Variants in BBS9 observed in about 807,000 individuals in gnomAD.
The protein encoded by BBS9 is Bardet-Biedl syndrome 9, also known as protein PTHB1.
Under a neutral mutation model 117.7 loss-of-function variants are expected in BBS9, and 89 were observed. That is an observed-to-expected ratio of 0.76 (90% CI 0.64 to 0.90). BBS9 has a LOEUF of 0.90. Among genes scored for constraint, BBS9 ranks in the 40% least tolerant of loss-of-function variants. BBS9 has a pLI of 0.00. For synonymous variants in BBS9, 379 were observed against 370.9 expected, an observed-to-expected ratio of 1.02 and a Z score of -0.25; for missense variants, 982 against 1,042.2, an observed-to-expected ratio of 0.94 and a Z score of 0.80.
intron 9 of BBS9, among the ~76,000 whole-genome samples, chr7:33,281,520 T>G (rs889268834): frequency 5.3e-5 from 8 of 151,802 alleles, no homozygotes; most frequent in Middle Eastern, 3.4e-3. Flanking sequence ...ACTGCAGGCA[T>G]GTGTCACCAC....
In BBS9 at chr7:33,536,389, C is replaced by G. The variant is rs139336063; in HGVS notation, c.2521+2213C>G. On this transcript the variant is annotated intron_variant, in intron 21 of 22. Transcript: ENST00000242067. ...TGTCATTAACATGCTTAATTATTGCCTATACTACTTTTCTTCCCTATAACT... is the reference window on the plus strand; with the variant it reads ...TGTCATTAACATGCTTAATTATTGCGTATACTACTTTTCTTCCCTATAACT... Among the ~76,000 whole-genome samples, 340 of 152,300 alleles carry G rather than the reference C, an allele frequency of 2.2e-3. 1 individual carries two copies. The highest frequency in any genetic ancestry group is 7.7e-3 in the African/African-American group (322 of 41,556).
intron 5 of BBS9, among the ~76,000 whole-genome samples, chr7:33,197,967 T>C (rs1427138222): frequency 1.3e-5 from 2 of 152,020 alleles, no homozygotes; most frequent in East Asian, 1.9e-4. Flanking sequence ...GTATTTCATA[T>C]TGTACATAAT....
rs1836171047 is a variant in BBS9 at position 33,441,475 on chromosome 7, C to CATAA, written c.2115+53332_2115+53333insTAAA. Among the ~76,000 whole-genome samples, 5 of 152,240 alleles carry CATAA rather than the reference C, an allele frequency of 3.3e-5. No homozygotes were observed. In the South Asian group the frequency reaches 6.2e-4, roughly 19 times the overall value. The stretch of plus-strand genomic sequence containing the variant: ...TCATCTATTCATAAAATGAAAATCA[C>CATAA]AATAATACCTTGTGGAAACTTAATT... On this transcript the variant is annotated intron_variant, in intron 19 of 22. Transcript: ENST00000242067.
chr7:33,622,850 A>G (rs948422393), intron 21 of BBS9, among the ~76,000 whole-genome samples: 2 of 152,230 alleles, frequency 1.3e-5, no homozygotes, highest in African/African-American at 4.8e-5. Context: ...GTGTTGCTGA[A>G]GCAATTGGAT....
At chr7:33,212,340 T>C (rs10232036) in intron 5 of BBS9, among the ~76,000 whole-genome samples, 26,295 of 152,144 alleles carry the variant, frequency 0.17, 2,811 homozygotes, top group East Asian at 0.44. Context: ...TCAATTCTAC[T>C]ATTAAGAGAC....
At chr7:33,131,223 A>G (rs1427349821) in intron 1 of BBS9, among the ~76,000 whole-genome samples, 1 of 152,116 alleles carries the variant, frequency 6.6e-6, no homozygotes, top group Non-Finnish European at 1.5e-5. Flanking sequence ...TGTCTCTCCT[A>G]CTAGCACTGT....
intron 2 of BBS9, among the ~76,000 whole-genome samples, chr7:33,147,303 T>C (rs1792571033): frequency 6.6e-6 from 1 of 152,180 alleles, no homozygotes; most frequent in Admixed American, 6.5e-5. Context: ...AGAAAACTTA[T>C]TATAACTATT....
At chr7:33,438,038 G>A (rs1011673987) in intron 19 of BBS9, among the ~76,000 whole-genome samples, 5 of 152,146 alleles carry the variant, frequency 3.3e-5, no homozygotes, top group Admixed American at 6.5e-5. Flanking sequence ...TCAACAAAAT[G>A]CAGAAAAGCA....
intron 19 of BBS9, among the ~76,000 whole-genome samples, chr7:33,505,167 A>G (rs919237972): frequency 6.6e-6 from 1 of 152,238 alleles, no homozygotes; most frequent in Admixed American, 6.5e-5. Context: ...ATTACCATAT[A>G]TTGAAGAAAG....
At chr7:33,204,942 A>G (rs556454805) in intron 5 of BBS9, among the ~76,000 whole-genome samples, 4 of 152,234 alleles carry the variant, frequency 2.6e-5, no homozygotes, top group African/African-American at 9.6e-5. Context: ...CTTTACTTTT[A>G]TACCCAAAAG....
intron 19 of BBS9, among the ~76,000 whole-genome samples, chr7:33,439,530 C>A (rs1401245221): frequency 2.1e-5 from 2 of 95,886 alleles, no homozygotes; most frequent in African/African-American, 9.5e-5. Context: ...TCTTTTTTAT[C>A]ACCTTTTTTT....
intron 19 of BBS9, among the ~76,000 whole-genome samples, chr7:33,442,850 T>G (rs1163380220): frequency 6.6e-6 from 1 of 152,176 alleles, no homozygotes; most frequent in Non-Finnish European, 1.5e-5. Context: ...TTACCTGCAT[T>G]GGTCCTTGTC....
At chr7:33,313,036 GGTGTGTGT>G (rs5883397) in intron 9 of BBS9, among the ~76,000 whole-genome samples, 1,759 of 148,032 alleles carry the variant, frequency 0.012, 44 homozygotes, top group African/African-American at 0.042. Flanking sequence ...TGTACTCTGT[GGTGTGTGT>G]GTGTGTGTGT....
intron 4 of BBS9, 69 bp from the exon 5 acceptor site, chr7:33,177,409 T>A (rs1797479942): frequency 9.8e-7 from 1 of 1,020,220 alleles, no homozygotes. Context: ...ATCGGAGTAG[T>A]GGATGAGAAC....
chr7:33,530,146 C>A (rs1318457534), intron 20 of BBS9, among the ~76,000 whole-genome samples: 1 of 152,018 alleles, frequency 6.6e-6, no homozygotes, highest in African/African-American at 2.4e-5. Context: ...CTTTTTTTGT[C>A]TCAGAGATAT....
At chr7:33,363,736 C>T (rs1340251027) in intron 16 of BBS9, among the ~76,000 whole-genome samples, 2 of 149,908 alleles carry the variant, frequency 1.3e-5, no homozygotes, top group African/African-American at 4.9e-5. Context: ...ATTCCTAGGT[C>T]GCTGAGACTG....
chr7:33,354,221 C>T lies in BBS9; in HGVS notation c.1552+1348C>T, dbSNP rs115459713. Among the ~76,000 whole-genome samples the T allele has an allele frequency of 9.0e-3, 1,364 of 152,012 alleles. 22 individuals carry two copies. Among genetic ancestry groups the T allele is most frequent in the African/African-American group, 0.031 (1,304 of 41,468 alleles). Reference sequence around the variant, plus strand: ...AGTGGAGTTGAAATATTCAGCGGCACCTAGTAGGCAAGAAAATAATATGTT... The same window carrying T: ...AGTGGAGTTGAAATATTCAGCGGCATCTAGTAGGCAAGAAAATAATATGTT... On this transcript the variant is annotated intron_variant, in intron 15 of 22. Transcript: ENST00000242067.
At chr7:33,248,736 AT>A (rs946785228) in intron 5 of BBS9, among the ~76,000 whole-genome samples, 6 of 152,126 alleles carry the variant, frequency 3.9e-5, no homozygotes, top group South Asian at 2.1e-4. Context: ...ACAATAACAA[AT>A]TTTTTTTCCG....
chr7:33,254,738 C>T (rs569509782), intron 5 of BBS9, among the ~76,000 whole-genome samples: 4 of 152,278 alleles, frequency 2.6e-5, no homozygotes, highest in East Asian at 3.9e-4. Flanking sequence ...AAATATTACA[C>T]GTATGAGTGA....
Sources: gnomAD v4.1 joint callset for allele counts (sites outside exome capture counted in the v4.1 genomes callset) on GRCh38, gnomAD v4.1.1 for gene constraint, MANE v1.5 for transcripts, NCBI Gene and HGNC (gene_info 2026-07-23, HGNC 2026-07-21) for gene names.